KALRN: variants seen among roughly 807,000 people sequenced by gnomAD.
KALRN encodes the protein kalirin RhoGEF kinase.
A neutral mutation model predicts 353.7 loss-of-function variants in KALRN; 70 were observed. The observed-to-expected ratio is 0.20, with a 90% CI of 0.16 to 0.24. The LOEUF is 0.24. KALRN is among the 10% of genes least tolerant of loss of function. The probability of loss-of-function intolerance (pLI) is 1.00; values close to 1 mark genes in which losing one functional copy is unlikely to be tolerated. For synonymous variants in KALRN, 1,391 were observed against 1,434.8 expected, an observed-to-expected ratio of 0.97 and a Z score of 0.69; for missense variants, 2,791 against 3,756.7, an observed-to-expected ratio of 0.74 and a Z score of 6.72.
chr3:124,479,164 C>G (rs2061713799), intron 27 of KALRN, among the ~76,000 whole-genome samples: 1 of 152,164 alleles, frequency 6.6e-6, no homozygotes, highest in Non-Finnish European at 1.5e-5. Flanking sequence ...ATGTATTTTC[C>G]CTTAGTACTA....
intron 1 of KALRN, among the ~76,000 whole-genome samples, chr3:124,125,092 A>G (rs2064490410): frequency 6.6e-6 from 1 of 152,236 alleles, no homozygotes; most frequent in Admixed American, 6.5e-5. Context: ...AACCTGGAGT[A>G]TAAGGAAGAG....
Position 124,183,064 on chromosome 3 carries a change from A to G in KALRN, c.74-44926A>G, listed in dbSNP as rs558097907. ...TCCCTCAGAATGTGACTGTAGAAAT[A>G]AGGCTTTCAAGAGGTGATTAAGTTA... is the stretch of plus-strand genomic sequence containing the variant. On this transcript the variant is annotated intron_variant, in intron 1 of 59. Coordinates refer to ENST00000682506, the MANE Select transcript of KALRN (RefSeq NM_001388419.1). Among the ~76,000 whole-genome samples, 27 of 152,290 alleles carry G rather than the reference A, an allele frequency of 1.8e-4. No homozygotes were observed. In the South Asian group the frequency reaches 5.4e-3, roughly 30 times the overall value.
At chr3:124,107,986 G>A (rs1559967661) in intron 1 of KALRN, among the ~76,000 whole-genome samples, 2 of 152,306 alleles carry the variant, frequency 1.3e-5, no homozygotes, top group South Asian at 2.1e-4. Context: ...ATCTGATTAT[G>A]TGGCTTCTCC....
intron 1 of KALRN, among the ~76,000 whole-genome samples, chr3:124,072,617 G>A (rs2332737): frequency 0.89 from 135,228 of 152,196 alleles, 60,728 homozygotes; most frequent in East Asian, 1. Context: ...GGGTTAAATT[G>A]GGTCCATCCG....
chr3:124,525,936 G>A (rs763183383), intron 33 of KALRN, among the ~76,000 whole-genome samples: 4 of 152,112 alleles, frequency 2.6e-5, no homozygotes, highest in Admixed American at 6.5e-5. Context: ...GGTGGGAGGG[G>A]GACAGGGTCC....
chr3:124,310,228 C>T (rs549331553), intron 6 of KALRN, among the ~76,000 whole-genome samples: 1 of 137,466 alleles, frequency 7.3e-6, no homozygotes, highest in Non-Finnish European at 1.7e-5. Context: ...AAAACTTATA[C>T]TCTGAAAACT....
intron 1 of KALRN, among the ~76,000 whole-genome samples, chr3:124,077,292 G>A (rs2060305842): frequency 6.6e-6 from 1 of 152,200 alleles, no homozygotes; most frequent in African/African-American, 2.4e-5. Context: ...CAGATGGGTG[G>A]GAAGGCTCAG....
At chr3:124,073,239 A>T (rs747978663) in intron 1 of KALRN, among the ~76,000 whole-genome samples, 17 of 152,190 alleles carry the variant, frequency 1.1e-4, no homozygotes, top group Non-Finnish European at 2.4e-4. Flanking sequence ...GATCCAGTCT[A>T]GTTTCAGAGT....
chr3:124,574,603 G>A (rs2073899551), intron 34 of KALRN, among the ~76,000 whole-genome samples: 1 of 152,214 alleles, frequency 6.6e-6, no homozygotes, highest in Non-Finnish European at 1.5e-5. Context: ...ACTGCTTTCT[G>A]AGAAGAAGCT....
intron 5 of KALRN, among the ~76,000 whole-genome samples, chr3:124,298,389 TC>T (rs1484228106): frequency 6.6e-6 from 1 of 152,170 alleles, no homozygotes; most frequent in East Asian, 1.9e-4. Flanking sequence ...AGTAAGGATG[TC>T]CCTGTTGCTT....
chr3:124,228,153 G>T, intron 2 of KALRN, 89 bp downstream of exon 2: 1 of 1,049,596 alleles, frequency 9.5e-7, no homozygotes, highest in South Asian at 1.3e-5. Flanking sequence ...TGTTAGTAGG[G>T]GAGAAGTAGG....
rs764952436 is a variant in KALRN, at chr3:124,395,242, C to T, written c.2070C>T (p.Thr690=). 1.6e-5 allele frequency: 26 copies of T among 1,612,884 alleles called. No individual in the cohort carries two copies. The highest frequency in any genetic ancestry group is 8.8e-5 in the South Asian group (8 of 91,022). ...ELIKQFQQQQ[T]ATLDATLNVI... ...TCAAGCAGTTCCAGCAGCAGCAGAC[C>T]GCCACTCTAGATGCCACACTCAATG... Residue 690 remains threonine (T), a synonymous_variant, in exon 12 of 60, where the codon ACC becomes ACT. Transcript: ENST00000682506.
chr3:124,107,891 C>G (rs575899058), intron 1 of KALRN, among the ~76,000 whole-genome samples: 1 of 152,320 alleles, frequency 6.6e-6, no homozygotes, highest in Admixed American at 6.5e-5. Context: ...ACAGCTCCTT[C>G]TGTGTTTGGA....
intron 34 of KALRN, among the ~76,000 whole-genome samples, chr3:124,614,132 A>T (rs2078291056): frequency 6.6e-6 from 1 of 152,232 alleles, no homozygotes; most frequent in Non-Finnish European, 1.5e-5. Context: ...TTGTGTGCCC[A>T]CAAAGGCTAA....
At chr3:124,265,380 C>CCTCCTGGGTTCAAGTGATT (rs2073403021) in intron 4 of KALRN, among the ~76,000 whole-genome samples, 2 of 139,144 alleles carry the variant, frequency 1.4e-5, no homozygotes, top group African/African-American at 5.4e-5. Flanking sequence ...GCAACCTCTG[C>CCTCCTGGGTTCAAGTGATT]CTCCTGGGTT....
chr3:124,444,797 C>CAAA (rs11370484), intron 19 of KALRN, among the ~76,000 whole-genome samples: 37,168 of 101,298 alleles, frequency 0.37, 6,596 homozygotes, highest in Non-Finnish European at 0.44. Flanking sequence ...AAGACCCTGT[C>CAAA]AAAAAAAAAA....
chr3:124,519,342 C>A, intron 33 of KALRN: 1 of 985,398 alleles, frequency 1.0e-6, no homozygotes, highest in Middle Eastern at 5.2e-4. Context: ...TTTTAAAAGT[C>A]CTCCAGTTTC....
intron 23 of KALRN, among the ~76,000 whole-genome samples, chr3:124,458,142 A>G (rs535682059): frequency 6.6e-6 from 1 of 152,010 alleles, no homozygotes; most frequent in East Asian, 1.9e-4. Flanking sequence ...CGGGCATGGT[A>G]GCACACGCCT....
chr3:124,164,683 T>A (rs1214603340), intron 1 of KALRN: 1 of 152,192 alleles, frequency 6.6e-6, no homozygotes, highest in Non-Finnish European at 1.5e-5. Flanking sequence ...TGCTAAAAAC[T>A]GTATTTGATT....
Sources: gnomAD v4.1 joint callset for allele counts (sites outside exome capture counted in the v4.1 genomes callset) on GRCh38, gnomAD v4.1.1 for gene constraint, MANE v1.5 for transcripts, NCBI Gene and HGNC (gene_info 2026-07-23, HGNC 2026-07-21) for gene names.